The following DMD variants were observed in gnomAD, a reference collection of about 807,000 sequenced individuals.
DMD encodes the protein dystrophin, also known as mutant dystrophin.
A neutral mutation model predicts 330.1 loss-of-function variants in DMD; 63 were observed. The observed-to-expected ratio is 0.19, with a 90% CI of 0.16 to 0.24. The LOEUF (loss-of-function observed/expected upper bound fraction) is 0.24. DMD is among the 10% of genes least tolerant of loss of function. The pLI, the probability that DMD is intolerant of heterozygous loss-of-function variation, is 1.00. For missense variants in DMD, 3,344 were observed against 2,684.1 expected (o/e 1.25, Z -5.43); for synonymous variants, 1,223 against 959.8 (o/e 1.27, Z -5.07).
At position 31,120,508 on chromosome X, in the gene DMD, A is replaced by ATGTCT. The variant is rs1555970114; in HGVS notation, c.*1406_*1410dup. ...TCCCAAAGTTTATTTATTTTAAATT[A>ATGTCT]TGTCTTGTGGCATTTAAAAACTCAT... On this transcript the variant is annotated 3_prime_UTR_variant, in exon 79 of 79. Coordinates refer to ENST00000357033, the MANE Select transcript of DMD (RefSeq NM_004006.3). 8.9e-6 allele frequency: 1 copy of ATGTCT among 112,152 alleles called. No homozygotes were observed. The highest frequency in any genetic ancestry group is 1.9e-5 in the Non-Finnish European group (1 of 53,238). 9.2% of individuals were successfully genotyped at this position (112,152 alleles called of 1,213,427 possible).
intron 44 of DMD, among the ~76,000 whole-genome samples, chrX:32,164,890 C>A (rs770447637): frequency 1.8e-5 from 2 of 111,823 alleles, no homozygotes; most frequent in African/African-American, 3.3e-5. Flanking sequence ...AGGTACAGTT[C>A]GGACCATTGC....
chrX:31,759,953 G>T (rs576014902), intron 51 of DMD, among the ~76,000 whole-genome samples: 1 of 111,676 alleles, frequency 9.0e-6, no homozygotes, highest in South Asian at 3.8e-4. Context: ...CTAAGATAAT[G>T]TTCTCTCAGC....
chrX:32,834,437 A>G (rs2079429241), intron 4 of DMD, among the ~76,000 whole-genome samples: 1 of 111,964 alleles, frequency 8.9e-6, no homozygotes, highest in Admixed American at 9.5e-5. Flanking sequence ...TACTAGTTTT[A>G]AAGAACATTT....
chrX:32,301,463 T>C (rs1442850297), intron 42 of DMD, among the ~76,000 whole-genome samples: 1 of 110,385 alleles, frequency 9.1e-6, no homozygotes, highest in Admixed American at 9.7e-5. Flanking sequence ...ATGATATATA[T>C]TAATATTCAG....
At chrX:31,344,291 G>T (rs1454915593) in intron 61 of DMD, among the ~76,000 whole-genome samples, 1 of 111,528 alleles carries the variant, frequency 9.0e-6, no homozygotes, top group East Asian at 2.8e-4. Flanking sequence ...CCTGTAGAAA[G>T]AATCTGAGAT....
intron 78 of DMD, among the ~76,000 whole-genome samples, chrX:31,122,813 A>C (rs1432938829): frequency 1.8e-5 from 2 of 111,814 alleles, no homozygotes; most frequent in Non-Finnish European, 3.8e-5. Context: ...CACGGAGAAA[A>C]AGAACAGCAC....
chrX:32,328,892 CTTTT>C (rs750354048), intron 41 of DMD, among the ~76,000 whole-genome samples: 10 of 111,141 alleles, frequency 9.0e-5, no homozygotes, highest in Middle Eastern at 4.7e-3. Flanking sequence ...AAAAATTGCT[CTTTT>C]TTTTCTTTTC....
chrX:31,838,858 T>C (rs2093259089), intron 48 of DMD, among the ~76,000 whole-genome samples: 1 of 111,645 alleles, frequency 9.0e-6, no homozygotes, highest in Non-Finnish European at 1.9e-5. Context: ...CAAACACAGC[T>C]AGGTCTGAAT....
chrX:32,551,900 C>A (rs1227465317), intron 16 of DMD, among the ~76,000 whole-genome samples: 2 of 111,439 alleles, frequency 1.8e-5, no homozygotes, highest in African/African-American at 6.5e-5. Flanking sequence ...AAATAAGATA[C>A]CTAGGAATAC....
intron 1 of DMD, among the ~76,000 whole-genome samples, chrX:33,133,608 G>A (rs1299023228): frequency 9.0e-6 from 1 of 111,448 alleles, no homozygotes. Context: ...AAAGGATCCC[G>A]GCCATAATTG....
chrX:31,727,717 T>A (rs949180355), intron 52 of DMD, among the ~76,000 whole-genome samples: 1 of 112,164 alleles, frequency 8.9e-6, no homozygotes, highest in African/African-American at 3.2e-5. Context: ...CCTGTTATAG[T>A]GGCTAGTGTT....
At chrX:32,497,603 T>A (rs1159999987) in intron 19 of DMD, among the ~76,000 whole-genome samples, 1 of 112,340 alleles carries the variant, frequency 8.9e-6, no homozygotes, top group African/African-American at 3.2e-5. Context: ...CATCTTTTGG[T>A]AATTTCAGTA....
rs184652704 is a variant in DMD at position 33,076,375 on chromosome X, C to T, written c.32-56175G>A. On this transcript the variant is annotated intron_variant, in intron 1 of 78. Transcript: ENST00000357033. Reference sequence around the variant, plus strand: ...ATTTCCCTGTCTTGATAAATCAACTCTGTCTAGAGAGTGGGCAAGGTGAAC... The same window carrying T: ...ATTTCCCTGTCTTGATAAATCAACTTTGTCTAGAGAGTGGGCAAGGTGAAC... Among the ~76,000 whole-genome samples, 43 of 111,650 alleles carry T rather than the reference C, an allele frequency of 3.9e-4. No individual in the cohort carries two copies. In the East Asian group the frequency reaches 0.01, roughly 27 times the overall value.
intron 47 of DMD, among the ~76,000 whole-genome samples, chrX:31,897,168 C>T (rs954849235): frequency 1.8e-4 from 20 of 109,386 alleles, no homozygotes; most frequent in East Asian, 2.9e-4. Flanking sequence ...TGAGAACATG[C>T]GGTGTTTGGT....
At chrX:32,642,499 G>A (rs892935589) in intron 11 of DMD, among the ~76,000 whole-genome samples, 3 of 111,983 alleles carry the variant, frequency 2.7e-5, no homozygotes, top group Non-Finnish European at 5.6e-5. Flanking sequence ...GTGGGATGGG[G>A]ATGAGGAAAT....
At chrX:32,756,857 CA>C (rs1169205045) in intron 7 of DMD, among the ~76,000 whole-genome samples, 10 of 111,716 alleles carry the variant, frequency 9.0e-5, no homozygotes, top group African/African-American at 2.9e-4. Context: ...TGATGCAAAA[CA>C]GCTTAAGAGA....
At chrX:33,019,516 T>C (rs1328080029) in intron 2 of DMD, among the ~76,000 whole-genome samples, 2 of 111,499 alleles carry the variant, frequency 1.8e-5, no homozygotes, top group Non-Finnish European at 3.8e-5. Flanking sequence ...AACCTCCATA[T>C]ATTGCATTCC....
In DMD at chrX:33,183,329, G is replaced by C. The variant is rs375973260; in HGVS notation, c.31+27953C>G. On this transcript the variant is annotated intron_variant, in intron 1 of 78. Transcript: ENST00000357033. ...CTAAGTTTCGGTGATCAATTGGAAT[G>C]AAAGTGTGAAATTACCTTCAGCAGT... is the stretch of plus-strand genomic sequence containing the variant. 5.4e-4 allele frequency among the ~76,000 whole-genome samples: 60 copies of C among 111,715 alleles called. 1 individual carries two copies. Among genetic ancestry groups the C allele is most frequent in the South Asian group, 5.2e-3 (14 of 2,685 alleles).
intron 55 of DMD, among the ~76,000 whole-genome samples, chrX:31,522,386 T>C (rs2147364919): frequency 1.1e-5 from 1 of 93,583 alleles, no homozygotes; most frequent in East Asian, 3.4e-4. Context: ...TATATATATA[T>C]AGCTGCACAG....
Sources: gnomAD v4.1 joint callset for allele counts (sites outside exome capture counted in the v4.1 genomes callset) on GRCh38, gnomAD v4.1.1 for gene constraint, MANE v1.5 for transcripts, NCBI Gene and HGNC (gene_info 2026-07-23, HGNC 2026-07-21) for gene names.